Variants in RBBP7 observed in about 807,000 individuals in gnomAD.
RBBP7 encodes RB binding protein 7, chromatin remodeling factor.
Under a neutral mutation model 35.2 loss-of-function variants are expected in RBBP7, and 5 were observed. That is an observed-to-expected ratio of 0.14 (90% CI 0.07 to 0.30). The LOEUF is 0.30. Ranked by LOEUF, RBBP7 falls within the 10% of genes least tolerant of loss-of-function variation. The pLI is 1.00. For synonymous variants in RBBP7, 140 were observed against 118.7 expected (o/e 1.18, Z -1.17); for missense variants, 155 against 327.5 (o/e 0.47, Z 4.07).
chrX:16,850,821 G>T (rs190363164), intron 9 of RBBP7, among the ~76,000 whole-genome samples: 2 of 112,372 alleles, frequency 1.8e-5, no homozygotes, highest in African/African-American at 6.5e-5. Context: ...CTTTCACACC[G>T]AGTGCAATGG....
At chrX:16,859,882 C>T (rs146260727) in intron 3 of RBBP7, among the ~76,000 whole-genome samples, 256 of 111,251 alleles carry the variant, frequency 2.3e-3, no homozygotes, top group Non-Finnish European at 3.7e-3. Context: ...GCTTAATGAA[C>T]ACTCGCTTCC....
chrX:16,863,389 G>A (rs141887884), intron 2 of RBBP7, among the ~76,000 whole-genome samples: 52 of 111,464 alleles, frequency 4.7e-4, no homozygotes, highest in African/African-American at 1.5e-3. Flanking sequence ...GCAGCACTCC[G>A]GGGAAGGTAG....
rs1930273331 is a variant in RBBP7, at chrX:16,853,851, GA to G, written c.598-10del. ...TCCCACAGACAAACAGTCTAAGAGA[GA>G]AGGAGAGAAAAAAAAAAGAACAAGG... On this transcript the variant is annotated splice_polypyrimidine_tract_variant and intron_variant, in intron 5 of 11. Transcript: ENST00000380087. The G allele has an allele frequency of 1.1e-6, 1 of 903,617 alleles. No homozygotes were observed. Among genetic ancestry groups the G allele is most frequent in the Non-Finnish European group, 1.4e-6 (1 of 703,827 alleles). The allele number at this position is 903,617 out of a possible 1,213,427, so 74.5% of individuals were successfully genotyped here. A position where few individuals can be genotyped will look rare whatever the true frequency, so the allele number is the denominator to read the frequency against.
intron 8 of RBBP7, 42 bp from the exon 9 acceptor site, chrX:16,852,164 C>T (rs767882251): frequency 7.8e-6 from 8 of 1,030,387 alleles, no homozygotes; most frequent in South Asian, 3.8e-5. Context: ...AAGAATCATC[C>T]GCTGCTAGGT....
intron 1 of RBBP7, 127 bp from the exon 2 acceptor site, chrX:16,869,347 A>C: frequency 9.4e-7 from 1 of 1,064,136 alleles, no homozygotes; most frequent in Non-Finnish European, 1.3e-6. Context: ...GACACGGACA[A>C]CTAACTGCTC....
At chrX:16,859,983 C>T (rs186671914) in intron 3 of RBBP7, among the ~76,000 whole-genome samples, 2 of 111,065 alleles carry the variant, frequency 1.8e-5, no homozygotes, top group East Asian at 5.7e-4. Flanking sequence ...CTCAAATCCA[C>T]GATTACTCCA....
chrX:16,868,770 T>C (rs780128268), intron 2 of RBBP7, among the ~76,000 whole-genome samples: 3 of 112,428 alleles, frequency 2.7e-5, no homozygotes, highest in Admixed American at 9.4e-5. Context: ...AGTAAAGTTT[T>C]AAAGAAACGC....
At position 16,844,504 on chromosome X, in the gene RBBP7, T is replaced by C. The variant is rs1472424182; in HGVS notation, c.*531A>G. 2 of 111,632 alleles carry C rather than the reference T, an allele frequency of 1.8e-5. No individual in the cohort carries two copies. Among genetic ancestry groups the C allele is most frequent in the African/African-American group, 6.5e-5 (2 of 30,629 alleles). The allele number at this position is 111,632 out of a possible 1,213,427, so 9.2% of individuals were successfully genotyped here. A position where few individuals can be genotyped will look rare whatever the true frequency, so the allele number is the denominator to read the frequency against. On this transcript the variant is annotated 3_prime_UTR_variant, in exon 12 of 12. Transcript: ENST00000380087. ...TGATTCTGTATAGATTAAGTAAATA[T>C]GTATGATAAACTTAACAGCTTCTGT...
intron 2 of RBBP7, among the ~76,000 whole-genome samples, chrX:16,864,497 A>G (rs1207178827): frequency 1.1e-5 from 1 of 95,052 alleles, no homozygotes; most frequent in East Asian, 3.3e-4. Flanking sequence ...ATTGCACTCC[A>G]GCCTGGGCAA....
intron 11 of RBBP7, among the ~76,000 whole-genome samples, chrX:16,845,421 A>C (rs1930048174): frequency 8.9e-6 from 1 of 112,281 alleles, no homozygotes; most frequent in Admixed American, 9.4e-5. Context: ...GGTTAACAAC[A>C]ACTTAGAAAT....
rs1178910114 is a variant in RBBP7 at position 16,866,483 on chromosome X, G to A, written c.161+2593C>T. 1.4e-4 allele frequency among the ~76,000 whole-genome samples: 12 copies of A among 85,801 alleles called. No individual in the cohort carries two copies. In the Admixed American group the frequency reaches 1.9e-3, roughly 13 times the overall value. 74.5% of individuals were successfully genotyped at this position (85,801 alleles called of 115,157 possible). On this transcript the variant is annotated intron_variant, in intron 2 of 11. Coordinates refer to ENST00000380087, the MANE Select transcript of RBBP7 (RefSeq NM_002893.4). ...GGAGGCTGCAGTGAGCCAAGATGGTGCCACTGCACTCCAGCCTGGGAGACA... is the reference window on the plus strand; with the variant it reads ...GGAGGCTGCAGTGAGCCAAGATGGTACCACTGCACTCCAGCCTGGGAGACA...
chrX:16,852,186 G>T, intron 8 of RBBP7, 64 bp from the exon 9 acceptor site: 2 of 936,998 alleles, frequency 2.1e-6, no homozygotes, highest in Non-Finnish European at 3.1e-6. Flanking sequence ...TGTGGCTGTT[G>T]TTCTAATCTG....
intron 1 of RBBP7, 43 bp from the exon 2 acceptor site, chrX:16,869,263 G>A: frequency 2.5e-6 from 3 of 1,177,433 alleles, no homozygotes; most frequent in African/African-American, 1.8e-5. Context: ...GGCTGAGATA[G>A]ATCAAAGTCA....
chrX:16,852,535 G>C lies in RBBP7; in HGVS notation c.963+16C>G. 8.3e-7 allele frequency: 1 copy of C among 1,207,456 alleles called. No individual in the cohort carries two copies. Among genetic ancestry groups the C allele is most frequent in the Non-Finnish European group, 1.1e-6 (1 of 891,523 alleles). On this transcript the variant is annotated intron_variant, in intron 8 of 11. Coordinates refer to ENST00000380087, the MANE Select transcript of RBBP7 (RefSeq NM_002893.4). The stretch of plus-strand genomic sequence containing the variant: ...TTCATTTCCTGACATACAGACACCA[G>C]AAAACTGTCACATACCTGGAAAATT...
At chrX:16,847,457 A>G (rs1170273547) in intron 10 of RBBP7, 1 of 110,038 alleles carries the variant, frequency 9.1e-6, no homozygotes, top group Non-Finnish European at 1.9e-5. Flanking sequence ...GGCGACAGAG[A>G]GAGTACTCTT....
chrX:16,848,160 G>A (rs1315637158), intron 10 of RBBP7: 1 of 111,821 alleles, frequency 8.9e-6, no homozygotes, highest in Non-Finnish European at 1.9e-5. Flanking sequence ...AGAGAATTGG[G>A]AGGTGATAGC....
At chrX:16,865,063 CAAAAAAAAAAAAA>C (rs34381419) in intron 2 of RBBP7, among the ~76,000 whole-genome samples, 2 of 24,568 alleles carry the variant, frequency 8.1e-5, no homozygotes, top group African/African-American at 1.7e-4. Context: ...GACCCTGTCT[CAAAAAAAAAAAAA>C]AAAAAAAAAA....
chrX:16,848,808 C>G (rs1930147225), intron 10 of RBBP7: 1 of 113,514 alleles, frequency 8.8e-6, no homozygotes, highest in Admixed American at 9.4e-5. Flanking sequence ...TTCAATCAGG[C>G]ATGGGAGGGA....
At chrX:16,857,148 G>A (rs993092365) in intron 5 of RBBP7, among the ~76,000 whole-genome samples, 1 of 112,101 alleles carries the variant, frequency 8.9e-6, no homozygotes, top group Admixed American at 9.5e-5. Context: ...CAGGGAATGA[G>A]TGGGGAGTCA....
Sources: allele counts gnomAD v4.1 joint callset (sites outside exome capture counted in the v4.1 genomes callset), GRCh38; gene constraint gnomAD v4.1.1; transcripts MANE v1.5; gene names NCBI Gene and HGNC (gene_info 2026-07-23, HGNC 2026-07-21).